PRAG1: variants seen among roughly 807,000 people sequenced by gnomAD.
PRAG1 encodes the protein PEAK1 related, kinase-activating pseudokinase 1.
A neutral mutation model predicts 95.6 loss-of-function variants in PRAG1; 110 were observed. The observed-to-expected ratio is 1.15, with a 90% CI of 0.99 to 1.35. PRAG1 has a LOEUF of 1.35. PRAG1 is among the 40% of genes most tolerant of loss of function. The pLI is 0.00. For synonymous variants in PRAG1, 1,052 were observed against 819.4 expected, an observed-to-expected ratio of 1.28 and a Z score of -4.85; for missense variants, 2,554 against 1,864.7, an observed-to-expected ratio of 1.37 and a Z score of -6.81.
chr8:8,380,625 G>T (rs565964210), intron 2 of PRAG1, among the ~76,000 whole-genome samples: 1 of 152,046 alleles, frequency 6.6e-6, no homozygotes, highest in Non-Finnish European at 1.5e-5. Context: ...GAAGGCCGAG[G>T]TGGGCAGATC....
At chr8:8,378,392 G>C (rs970544968) in intron 2 of PRAG1, among the ~76,000 whole-genome samples, 4 of 152,212 alleles carry the variant, frequency 2.6e-5, no homozygotes, top group African/African-American at 9.6e-5. Context: ...AAAGAACACT[G>C]TGCCTTCTTC....
At chr8:8,343,912 A>T (rs1425278850) in intron 3 of PRAG1, among the ~76,000 whole-genome samples, 1 of 152,180 alleles carries the variant, frequency 6.6e-6, no homozygotes, top group African/African-American at 2.4e-5. Context: ...AACCACATTT[A>T]AAAAATGTAA....
At chr8:8,373,069 C>T (rs1480392667) in intron 3 of PRAG1, among the ~76,000 whole-genome samples, 2 of 152,192 alleles carry the variant, frequency 1.3e-5, no homozygotes, top group Non-Finnish European at 2.9e-5. Context: ...TTGTATGTTG[C>T]TTGAAGACCT....
At chr8:8,375,011 C>G (rs1358963232) in intron 3 of PRAG1, among the ~76,000 whole-genome samples, 1 of 151,712 alleles carries the variant, frequency 6.6e-6, no homozygotes, top group African/African-American at 2.4e-5. Context: ...TAACAGAAAT[C>G]AGTTTCGCTC....
chr8:8,339,353 T>C (rs1298740431), intron 4 of PRAG1, 125 bp downstream of exon 4: 2 of 1,035,920 alleles, frequency 1.9e-6, no homozygotes, highest in Non-Finnish European at 2.8e-6. Context: ...AAGAGTCTAC[T>C]TCATTGAGAA....
At chr8:8,379,738 G>A (rs905964576) in intron 2 of PRAG1, among the ~76,000 whole-genome samples, 1 of 152,188 alleles carries the variant, frequency 6.6e-6, no homozygotes, top group African/African-American at 2.4e-5. Flanking sequence ...CTTCCTAAAT[G>A]TGTCTAAAGA....
In PRAG1 at chr8:8,328,340, T is replaced by A. The variant is rs1224935231; in HGVS notation, c.2442A>T (p.Pro814=). ...VSPSGPQQPP[P]LPQKKIVSRA... Reference sequence around the variant, plus strand: ...GGCTCACTATCTTTTTCTGGGGGAGTGGAGGGGGCTGCTGGGGGCCACTGG... The same window carrying A: ...GGCTCACTATCTTTTTCTGGGGGAGAGGAGGGGGCTGCTGGGGGCCACTGG... Residue 814 remains proline, a synonymous_variant, in exon 5 of 6, where the codon CCA becomes CCT. Transcript: ENST00000615670. 2 of 1,594,242 alleles carry A rather than the reference T, an allele frequency of 1.3e-6. No individual in the cohort carries two copies. The highest frequency in any genetic ancestry group is 1.7e-6 in the Non-Finnish European group (2 of 1,171,790).
intron 5 of PRAG1, among the ~76,000 whole-genome samples, chr8:8,321,180 G>A (rs1039110976): frequency 6.6e-6 from 1 of 152,212 alleles, no homozygotes; most frequent in Non-Finnish European, 1.5e-5. Flanking sequence ...GACCTCCCAG[G>A]TTTAAGCGAT....
At chr8:8,378,913 G>A (rs1208376249) in intron 2 of PRAG1, among the ~76,000 whole-genome samples, 1 of 151,706 alleles carries the variant, frequency 6.6e-6, no homozygotes, top group Non-Finnish European at 1.5e-5. Flanking sequence ...AACACATTGG[G>A]TGGGTGGGTG....
At chr8:8,351,738 T>C (rs192121046) in intron 3 of PRAG1, among the ~76,000 whole-genome samples, 1 of 152,122 alleles carries the variant, frequency 6.6e-6, no homozygotes, top group Non-Finnish European at 1.5e-5. Context: ...TATATAAAGA[T>C]CTAGAAAGAG....
At chr8:8,355,364 ATC>A (rs1198152346) in intron 3 of PRAG1, among the ~76,000 whole-genome samples, 3 of 152,206 alleles carry the variant, frequency 2.0e-5, no homozygotes, top group Non-Finnish European at 2.9e-5. Flanking sequence ...ATTTAATGCA[ATC>A]TCTATCAAAA....
chr8:8,339,853 C>T (rs191754758), intron 3 of PRAG1, among the ~76,000 whole-genome samples: 19 of 152,158 alleles, frequency 1.2e-4, no homozygotes, highest in African/African-American at 4.1e-4. Context: ...TTAGGAGAAG[C>T]GAGTCTATTA....
intron 3 of PRAG1, among the ~76,000 whole-genome samples, chr8:8,355,681 T>C (rs1347449218): frequency 6.6e-6 from 1 of 152,134 alleles, no homozygotes; most frequent in East Asian, 1.9e-4. Flanking sequence ...ATAGAAAAGA[T>C]AGTCTCTTTA....
At chr8:8,365,042 G>A (rs546518907) in intron 3 of PRAG1, among the ~76,000 whole-genome samples, 8 of 152,216 alleles carry the variant, frequency 5.3e-5, no homozygotes, top group African/African-American at 1.9e-4. Context: ...AAGGAAATAT[G>A]ACAGGTCAGC....
chr8:8,332,368 G>A (rs1212978657), intron 4 of PRAG1, among the ~76,000 whole-genome samples: 3 of 151,944 alleles, frequency 2.0e-5, no homozygotes, highest in Non-Finnish European at 4.4e-5. Flanking sequence ...TCACCATGTT[G>A]GCCAGGCTGG....
intron 2 of PRAG1, among the ~76,000 whole-genome samples, chr8:8,378,458 G>A (rs975546854): frequency 6.6e-6 from 1 of 152,216 alleles, no homozygotes; most frequent in Non-Finnish European, 1.5e-5. Flanking sequence ...TTGGAAAATG[G>A]AGCTTGGGGT....
intron 3 of PRAG1, among the ~76,000 whole-genome samples, chr8:8,364,817 C>A (rs991025514): frequency 1.3e-5 from 2 of 152,088 alleles, no homozygotes; most frequent in Admixed American, 6.6e-5. Context: ...GATGGAATCT[C>A]AGACCCTGAA....
chr8:8,319,132 A>C lies in PRAG1; in HGVS notation c.3243T>G (p.Pro1081=). The part of the protein sequence containing the change: ...DPVPALPTHP[P]AQEQDCVVVI... ...CCACCACGCAGTCCTGCTCCTGGGC[A>C]GGGGGGTGTGTGGGCAGGGCAGGCA... The change falls in exon 6 of 6, where the codon CCT becomes CCG. Residue 1081 remains proline, a synonymous_variant. Coordinates refer to ENST00000615670, the MANE Select transcript of PRAG1 (RefSeq NM_001080826.3). 1 of 1,605,618 alleles carries C rather than the reference A, an allele frequency of 6.2e-7. No individual in the cohort carries two copies. The highest frequency in any genetic ancestry group is 1.3e-5 in the African/African-American group (1 of 74,892).
intron 2 of PRAG1, among the ~76,000 whole-genome samples, chr8:8,379,424 T>C (rs1035238984): frequency 1.3e-5 from 2 of 152,308 alleles, no homozygotes; most frequent in African/African-American, 2.4e-5. Context: ...TCCCAGGTGA[T>C]TCTGAGCTTA....
Sources: gnomAD v4.1 joint callset for allele counts (sites outside exome capture counted in the v4.1 genomes callset) on GRCh38, gnomAD v4.1.1 for gene constraint, MANE v1.5 for transcripts, NCBI Gene and HGNC (gene_info 2026-07-23, HGNC 2026-07-21) for gene names.